The following TTC17 variants were observed in gnomAD, a reference collection of about 807,000 sequenced individuals.
The protein encoded by TTC17 is tetratricopeptide repeat protein 17.
TTC17 carries 58 observed loss-of-function variants against 143.8 expected under a neutral mutation model. The observed-to-expected ratio is 0.40, with a 90% CI of 0.33 to 0.50. The LOEUF (loss-of-function observed/expected upper bound fraction) is 0.50. Ranked by LOEUF, TTC17 falls within the 20% of genes least tolerant of loss-of-function variation. The pLI is 0.49. For missense variants in TTC17, 1,273 were observed against 1,392.5 expected (o/e 0.91, Z 1.37); for synonymous variants, 501 against 497.8 (o/e 1.01, Z -0.09).
intron 21 of TTC17, among the ~76,000 whole-genome samples, chr11:43,463,817 A>C (rs1016749997): frequency 9.9e-5 from 15 of 152,270 alleles, no homozygotes; most frequent in Admixed American, 1.3e-4. Flanking sequence ...TTAAACATAC[A>C]TGAAGCCTTT....
chr11:43,442,620 C>A (rs1947447546), intron 16 of TTC17, among the ~76,000 whole-genome samples: 1 of 152,134 alleles, frequency 6.6e-6, no homozygotes, highest in Non-Finnish European at 1.5e-5. Flanking sequence ...TAGAGGAGAA[C>A]TCAAGAGGGC....
intron 21 of TTC17, among the ~76,000 whole-genome samples, chr11:43,463,107 G>A (rs966588090): frequency 1.3e-5 from 2 of 151,740 alleles, no homozygotes; most frequent in Non-Finnish European, 2.9e-5. Context: ...ATAGAGACGG[G>A]GTTTCACCAT....
intron 18 of TTC17, among the ~76,000 whole-genome samples, chr11:43,447,381 T>C (rs1169312904): frequency 6.6e-6 from 1 of 152,106 alleles, no homozygotes; most frequent in African/African-American, 2.4e-5. Context: ...TGGGAGGAGA[T>C]GATAATCTTT....
In TTC17 at chr11:43,371,500, G is replaced by C. The variant is rs1455689771; in HGVS notation, c.160-7733G>C. Among the ~76,000 whole-genome samples, 3 of 152,344 alleles carry C rather than the reference G, an allele frequency of 2.0e-5. No individual in the cohort carries two copies. In the East Asian group the frequency reaches 5.8e-4, roughly 29 times the overall value. On this transcript the variant is annotated intron_variant, in intron 1 of 23. Transcript: ENST00000039989. ...TGAAGAGATGCACAGGGTGACGTAT[G>C]GGGCAAAGGGTGTAGAACTTCCATG...
chr11:43,399,263 C>A (rs1857746234), intron 8 of TTC17, among the ~76,000 whole-genome samples: 1 of 152,144 alleles, frequency 6.6e-6, no homozygotes, highest in South Asian at 2.1e-4. Context: ...GTTGATGGAA[C>A]TAATGCAAAT....
Position 43,494,003 on chromosome 11 carries a change from G to T in TTC17, c.*99G>T. The T allele has an allele frequency of 7.1e-7, 1 of 1,413,810 alleles. No homozygotes were observed. Among genetic ancestry groups the T allele is most frequent in the South Asian group, 1.6e-5 (1 of 61,690 alleles). The allele number at this position is 1,413,810 out of a possible 1,614,324, so 87.6% of individuals were successfully genotyped here. ...TCAGTATCTACTATTAATGATGTGT[G>T]TGAAAATAACTAAGACTTATAACAG... On this transcript the variant is annotated 3_prime_UTR_variant, in exon 24 of 24. Coordinates refer to ENST00000039989, the MANE Select transcript of TTC17 (RefSeq NM_018259.6).
chr11:43,389,522 C>T, intron 2 of TTC17, 130 bp from the exon 3 acceptor site: 1 of 832,622 alleles, frequency 1.2e-6, no homozygotes, highest in Non-Finnish European at 1.8e-6. Context: ...TAACTAAGGG[C>T]ATTTTCAGAA....
intron 16 of TTC17, among the ~76,000 whole-genome samples, chr11:43,415,315 G>C (rs993355332): frequency 6.6e-6 from 1 of 152,088 alleles, no homozygotes; most frequent in African/African-American, 2.4e-5. Context: ...CTGTGTATAG[G>C]TGTATCCACC....
intron 16 of TTC17, among the ~76,000 whole-genome samples, chr11:43,419,066 G>A (rs987889655): frequency 1.3e-5 from 2 of 151,910 alleles, no homozygotes; most frequent in Non-Finnish European, 2.9e-5. Context: ...CAGCAACTTC[G>A]CTGTTTACAG....
At position 43,391,677 on chromosome 11, in the gene TTC17, G is replaced by C. The variant is rs145338026; in HGVS notation, c.531+101G>C. ...CATTTCTCTTTCTTCTCTCCTTCCTGACAGCTTTGTAATTTTATAGACATC... is the reference window on the plus strand; with the variant it reads ...CATTTCTCTTTCTTCTCTCCTTCCTCACAGCTTTGTAATTTTATAGACATC... On this transcript the variant is annotated intron_variant, in intron 4 of 23. Coordinates refer to ENST00000039989, the MANE Select transcript of TTC17 (RefSeq NM_018259.6). 1.2e-3 allele frequency: 1,583 copies of C among 1,273,812 alleles called. 1 individual carries two copies. The highest frequency in any genetic ancestry group is 1.6e-3 in the Non-Finnish European group (1,480 of 926,764). 78.9% of individuals were successfully genotyped at this position (1,273,812 alleles called of 1,614,324 possible).
intron 16 of TTC17, among the ~76,000 whole-genome samples, chr11:43,438,543 GT>G (rs1947343128): frequency 6.6e-6 from 1 of 152,132 alleles, no homozygotes; most frequent in African/African-American, 2.4e-5. Flanking sequence ...CTACAGTATT[GT>G]TATTAAAGAT....
At chr11:43,439,492 G>A (rs1159802584) in intron 16 of TTC17, among the ~76,000 whole-genome samples, 1 of 148,812 alleles carries the variant, frequency 6.7e-6, no homozygotes, top group East Asian at 2.0e-4. Context: ...TTTTGAGATG[G>A]AGTCTTGCTG....
intron 21 of TTC17, among the ~76,000 whole-genome samples, chr11:43,463,994 C>G (rs772562236): frequency 1.3e-5 from 2 of 152,036 alleles, no homozygotes; most frequent in African/African-American, 2.4e-5. Flanking sequence ...ATATCCATTC[C>G]ACGGGGCGTG....
intron 19 of TTC17, among the ~76,000 whole-genome samples, 175 bp downstream of exon 19, chr11:43,448,297 G>A (rs1175416241): frequency 2.0e-5 from 3 of 152,158 alleles, no homozygotes; most frequent in Admixed American, 2.0e-4. Context: ...TTGTAGCAAA[G>A]CAGTGAGTGT....
intron 21 of TTC17, among the ~76,000 whole-genome samples, chr11:43,480,716 G>A (rs1478780506): frequency 6.6e-6 from 1 of 152,032 alleles, no homozygotes; most frequent in East Asian, 1.9e-4. Context: ...GTTTTCAAAA[G>A]CCCTTTTATT....
intron 7 of TTC17, 59 bp from the exon 8 acceptor site, chr11:43,397,914 GT>G: frequency 1.2e-6 from 1 of 868,856 alleles, no homozygotes. Context: ...GTGTGTGTGT[GT>G]GTGTGTGTGT....
At chr11:43,445,589 A>C (rs982247055) in intron 18 of TTC17, among the ~76,000 whole-genome samples, 5 of 152,250 alleles carry the variant, frequency 3.3e-5, no homozygotes, top group Non-Finnish European at 4.4e-5. Context: ...ATACGAGAGC[A>C]CTTAAGCAGT....
intron 15 of TTC17, among the ~76,000 whole-genome samples, chr11:43,412,981 GACACAC>G (rs57982323): frequency 0.1 from 14,596 of 140,324 alleles, 1,119 homozygotes; most frequent in East Asian, 0.42. Context: ...ACCTAGAATA[GACACAC>G]ACACACACAC....
At chr11:43,451,927 TC>T (rs2134757165) in intron 21 of TTC17, among the ~76,000 whole-genome samples, 1 of 152,178 alleles carries the variant, frequency 6.6e-6, no homozygotes, top group East Asian at 1.9e-4. Flanking sequence ...TCCTTCATCT[TC>T]CGAGTATCGC....
Sources: allele counts gnomAD v4.1 joint callset (sites outside exome capture counted in the v4.1 genomes callset), GRCh38; gene constraint gnomAD v4.1.1; transcripts MANE v1.5; gene names NCBI Gene and HGNC (gene_info 2026-07-23, HGNC 2026-07-21).